Variants in ZSCAN21 observed in about 807,000 individuals in gnomAD.
ZSCAN21 encodes zinc finger and SCAN domain containing 21, also known as zinc finger and SCAN domain-containing protein 21.
A neutral mutation model predicts 35.6 loss-of-function variants in ZSCAN21; 26 were observed. The ratio of observed to expected loss-of-function variants is 0.73; its 90% CI spans 0.54 to 1.01. The LOEUF (loss-of-function observed/expected upper bound fraction) is 1.01. ZSCAN21 is among the 50% of genes least tolerant of loss of function. The pLI is 0.00. For synonymous variants in ZSCAN21, 219 were observed against 219.3 expected (o/e 1.00, Z 0.01); for missense variants, 593 against 587.1 (o/e 1.01, Z -0.10).
chr7:100,062,815 G>A (rs368748409), intron 3 of ZSCAN21, among the ~76,000 whole-genome samples: 4 of 152,110 alleles, frequency 2.6e-5, no homozygotes, highest in South Asian at 2.1e-4. Flanking sequence ...CGGAGACTGC[G>A]GTGAGCCAAG....
In ZSCAN21 at chr7:100,064,577, A is replaced by G. The variant is rs1420330634; in HGVS notation, c.1382A>G (p.Lys461Arg). The G allele has an allele frequency of 6.2e-7, 1 of 1,614,116 alleles. No homozygotes were observed. The highest frequency in any genetic ancestry group is 8.5e-7 in the Non-Finnish European group (1 of 1,180,044). ...TTCTGTAGCAAGTCCAATCTTTCCA[A>G]ACATCAGCGAGTCCACACTGGAGAG... ...KTFCSKSNLS[K>R]HQRVHTGEGE... The change falls in exon 4 of 4, where the codon AAA becomes AGA. Residue 461 changes from lysine (K) to arginine (R), a missense_variant. Coordinates refer to ENST00000292450, the MANE Select transcript of ZSCAN21 (RefSeq NM_145914.3).
Position 100,064,257 on chromosome 7 carries a change from C to A in ZSCAN21, c.1062C>A (p.His354Gln), listed in dbSNP as rs557011819. The change falls in exon 4 of 4, where the codon CAC becomes CAA. Residue 354 changes from histidine (H) to glutamine (Q), a missense_variant. His to Gln is a conservative substitution (Grantham distance 24). Coordinates refer to ENST00000292450, the MANE Select transcript of ZSCAN21 (RefSeq NM_145914.3). ...SSDLLKHQRM[H>Q]TEEAPYQCKD... ...ACCTTCTTAAACATCAGAGAATGCA[C>A]ACAGAAGAGGCGCCATATCAGTGCA... is the stretch of plus-strand genomic sequence containing the variant. 6.2e-7 allele frequency: 1 copy of A among 1,614,004 alleles called. No individual in the cohort carries two copies. The highest frequency in any genetic ancestry group is 1.1e-5 in the South Asian group (1 of 91,086).
chr7:100,064,103 A>G lies in ZSCAN21; in HGVS notation c.908A>G (p.Lys303Arg), dbSNP rs758333324. Residue 303 changes from lysine to arginine, a missense_variant, in exon 4 of 4, where the codon AAA (lysine) becomes AGA (arginine). Transcript: ENST00000292450. The stretch of plus-strand genomic sequence containing the variant: ...CACAGGAGAACACACACTGGGGAGA[A>G]ACCTTACGTGTGCACCAAGTGTGGG... ...TKHRRTHTGEKPYVCTKCGKA... is the reference protein window; with the variant it reads ...TKHRRTHTGERPYVCTKCGKA... 1 of 1,614,140 alleles carries G rather than the reference A, an allele frequency of 6.2e-7. No homozygotes were observed. Among genetic ancestry groups the G allele is most frequent in the Non-Finnish European group, 8.5e-7 (1 of 1,180,032 alleles).
intron 1 of ZSCAN21, among the ~76,000 whole-genome samples, chr7:100,050,914 C>T (rs1395310090): frequency 6.6e-6 from 1 of 151,614 alleles, no homozygotes; most frequent in Non-Finnish European, 1.5e-5. Context: ...TTTGTGTGGC[C>T]GGGCGCGGTG....
At chr7:100,051,092 C>T (rs539213896) in intron 1 of ZSCAN21, among the ~76,000 whole-genome samples, 81 of 140,314 alleles carry the variant, frequency 5.8e-4, no homozygotes, top group Admixed American at 2.7e-3. Context: ...GCAGGAGAAT[C>T]GCTTGAACCT....
intron 1 of ZSCAN21, among the ~76,000 whole-genome samples, chr7:100,052,289 T>C (rs1791907752): frequency 6.6e-6 from 1 of 151,802 alleles, no homozygotes; most frequent in Non-Finnish European, 1.5e-5. Context: ...AAAGACCCAG[T>C]GAAGTGGTTC....
rs1198649218 is a variant in ZSCAN21 at position 100,055,864 on chromosome 7, G to A, written c.-96-1047G>A. On this transcript the variant is annotated intron_variant, in intron 1 of 3. Coordinates refer to ENST00000292450, the MANE Select transcript of ZSCAN21 (RefSeq NM_145914.3). ...TCACCATGTTAGCCAGGATGGTCTC[G>A]ATCTCCTGACCTCGTGATCCGCCCG... Among the ~76,000 whole-genome samples, 3 of 149,394 alleles carry A rather than the reference G, an allele frequency of 2.0e-5. No homozygotes were observed. In the Admixed American group the frequency reaches 2.0e-4, roughly 10 times the overall value.
chr7:100,060,407 C>G (rs1025308601), intron 3 of ZSCAN21, among the ~76,000 whole-genome samples: 2 of 152,004 alleles, frequency 1.3e-5, no homozygotes, highest in Admixed American at 6.6e-5. Context: ...ACTAAAAATA[C>G]AAAAATTAGT....
In ZSCAN21 at chr7:100,057,704, A is replaced by C. The variant is rs781413629; in HGVS notation, c.406A>C (p.Thr136Pro). 2 of 1,609,326 alleles carry C rather than the reference A, an allele frequency of 1.2e-6. No individual in the cohort carries two copies. The highest frequency in any genetic ancestry group is 1.7e-5 in the Admixed American group (1 of 59,178). The change falls in exon 3 of 4, where the codon ACT becomes CCT. Residue 136 changes from threonine (T) to proline (P), a missense_variant. Thr to Pro is a conservative substitution (Grantham distance 38). Coordinates refer to ENST00000292450, the MANE Select transcript of ZSCAN21 (RefSeq NM_145914.3). Reference protein sequence around the residue: ...ELDEPGHQVSTPPNEQKPVWE... With the variant: ...ELDEPGHQVSPPPNEQKPVWE... ...CATTCCTGATTGTCTCTAGGTCTCA[A>C]CTCCTCCAAACGAACAGAAACCGGT...
chr7:100,057,570 TG>T, intron 2 of ZSCAN21, 127 bp from the exon 3 acceptor site: 1 of 1,352,940 alleles, frequency 7.4e-7, no homozygotes, highest in East Asian at 2.3e-5. Flanking sequence ...CTTTTAGCCT[TG>T]GGAATGGAAT....
rs749511767 is a variant in ZSCAN21 at position 100,064,227 on chromosome 7, C to T, written c.1032C>T (p.Ser344=). 6.2e-7 allele frequency: 1 copy of T among 1,614,154 alleles called. No individual in the cohort carries two copies. Among genetic ancestry groups the T allele is most frequent in the African/African-American group, 1.3e-5 (1 of 75,032 alleles). ...DCKCGKAFGQ[S]SDLLKHQRMH... Reference sequence around the variant, plus strand: ...AGTGTGGAAAAGCTTTTGGGCAGAGCTCAGACCTTCTTAAACATCAGAGAA... The same window carrying T: ...AGTGTGGAAAAGCTTTTGGGCAGAGTTCAGACCTTCTTAAACATCAGAGAA... Residue 344 remains serine (S), a synonymous_variant, in exon 4 of 4, where the codon AGC becomes AGT. Transcript: ENST00000292450.
chr7:100,054,812 C>T (rs1426220198), intron 1 of ZSCAN21, among the ~76,000 whole-genome samples: 11 of 120,052 alleles, frequency 9.2e-5, no homozygotes, highest in Admixed American at 1.2e-4. Context: ...GTACTCTAGC[C>T]GGGGCAGCAG....
chr7:100,056,953 A>T lies in ZSCAN21; in HGVS notation c.-54A>T. The T allele has an allele frequency of 6.7e-7, 1 of 1,496,968 alleles. No homozygotes were observed. 92.7% of individuals were successfully genotyped at this position (1,496,968 alleles called of 1,614,324 possible). A position where few individuals can be genotyped will look rare whatever the true frequency, so the allele number is the denominator to read the frequency against. On this transcript the variant is annotated 5_prime_UTR_variant, in exon 2 of 4. Transcript: ENST00000292450. ...AAAGAACTGGAAACCCAAAGGAACG[A>T]ATATTCCTGCCCCACAGAGTCCCAT... is the stretch of plus-strand genomic sequence containing the variant.
chr7:100,058,422 C>G (rs1444701540), intron 3 of ZSCAN21, among the ~76,000 whole-genome samples: 2 of 152,202 alleles, frequency 1.3e-5, no homozygotes, highest in Non-Finnish European at 2.9e-5. Flanking sequence ...CCTTAAATCT[C>G]CTGCTTTTGT....
In ZSCAN21 at chr7:100,057,333, C is replaced by G; in HGVS notation, c.327C>G (p.Cys109Trp). 6.2e-7 allele frequency: 1 copy of G among 1,606,912 alleles called. No individual in the cohort carries two copies. Among genetic ancestry groups the G allele is most frequent in the South Asian group, 1.1e-5 (1 of 90,192 alleles). ...QELQAWVQEH[C>W]PESAEEAVTL... is the part of the protein sequence containing the mutation. ...TCCAGGCCTGGGTGCAGGAGCATTG[C>G]CCGGAGAGCGCTGAAGAGGCTGTCA... is the stretch of plus-strand genomic sequence containing the variant. Residue 109 changes from cysteine (C) to tryptophan (W), a missense_variant, in exon 2 of 4, where the codon TGC becomes TGG. By Grantham distance (215) the Cys-to-Trp change is radical. Coordinates refer to ENST00000292450, the MANE Select transcript of ZSCAN21 (RefSeq NM_145914.3).
At chr7:100,051,277 A>ATTTTTTTTTTTTT (rs1376849857) in intron 1 of ZSCAN21, among the ~76,000 whole-genome samples, 11 of 45,096 alleles carry the variant, frequency 2.4e-4, no homozygotes, top group East Asian at 1.1e-3. Context: ...GGATCTAGGG[A>ATTTTTTTTTTTTT]TTTTCTTTTT....
chr7:100,062,149 C>G (rs1299736398), intron 3 of ZSCAN21, among the ~76,000 whole-genome samples: 1 of 152,148 alleles, frequency 6.6e-6, no homozygotes, highest in East Asian at 1.9e-4. Context: ...TTATGTTCAA[C>G]TGCTGTGGGA....
chr7:100,057,696 A>G lies in ZSCAN21; in HGVS notation c.400-2A>G. ...AACCTAGCCATTCCTGATTGTCTCTAGGTCTCAACTCCTCCAAACGAACAG... is the reference window on the plus strand; with the variant it reads ...AACCTAGCCATTCCTGATTGTCTCTGGGTCTCAACTCCTCCAAACGAACAG... On this transcript the variant is annotated splice_acceptor_variant, in intron 2 of 3. Transcript: ENST00000292450. LOFTEE classifies it high-confidence loss of function. 1.2e-6 allele frequency: 2 copies of G among 1,605,384 alleles called. No individual in the cohort carries two copies. The highest frequency in any genetic ancestry group is 3.3e-4 in the Middle Eastern group (2 of 6,012).
chr7:100,063,051 C>T (rs1584386256), intron 3 of ZSCAN21, among the ~76,000 whole-genome samples: 1 of 152,098 alleles, frequency 6.6e-6, no homozygotes, highest in African/African-American at 2.4e-5. Flanking sequence ...ACCATGCCCA[C>T]CTAATTTTTT....
Sources: gnomAD v4.1 joint callset for allele counts (sites outside exome capture counted in the v4.1 genomes callset) on GRCh38, gnomAD v4.1.1 for gene constraint, MANE v1.5 for transcripts, NCBI Gene and HGNC (gene_info 2026-07-23, HGNC 2026-07-21) for gene names.